DAPK2: variants seen among roughly 807,000 people sequenced by gnomAD.
The protein encoded by DAPK2 is death-associated protein kinase 2.
In DAPK2, 35 loss-of-function variants were observed where a neutral mutation model predicts 44.1. That is an observed-to-expected ratio of 0.79 (90% confidence interval 0.61 to 1.05). The LOEUF is 1.05. Ranked by LOEUF, DAPK2 falls within the 50% of genes least tolerant of loss-of-function variation. The pLI is 0.00. For missense variants in DAPK2, 453 were observed against 483.2 expected (o/e 0.94, Z 0.59); for synonymous variants, 174 against 182.6 (o/e 0.95, Z 0.38).
At chr15:63,976,825 A>C (rs2078362934) in intron 2 of DAPK2, among the ~76,000 whole-genome samples, 1 of 152,240 alleles carries the variant, frequency 6.6e-6, no homozygotes, top group South Asian at 2.1e-4. Flanking sequence ...TTAAATAAAA[A>C]TATTATTAAA....
At chr15:63,938,107 C>T (rs531666839) in intron 4 of DAPK2, among the ~76,000 whole-genome samples, 1 of 152,334 alleles carries the variant, frequency 6.6e-6, no homozygotes, top group African/African-American at 2.4e-5. Context: ...ATCCTTCTGG[C>T]ACTCTTTTTT....
rs148955114 is a variant in DAPK2, at chr15:63,944,146, G to T, written c.454-4785C>A. The stretch of plus-strand genomic sequence containing the variant: ...CCTGGCAGGGCGAACACCCAAGCTG[G>T]GTCTGGATAAAAGGATGAAGCCTGG... On this transcript the variant is annotated intron_variant, in intron 3 of 10. Transcript: ENST00000261891. Among the ~76,000 whole-genome samples the T allele has an allele frequency of 3.4e-3, 524 of 152,242 alleles. 4 individuals are homozygous for T. Among genetic ancestry groups the T allele is most frequent in the African/African-American group, 0.012 (507 of 41,538 alleles).
intron 2 of DAPK2, among the ~76,000 whole-genome samples, chr15:63,977,377 C>G (rs547691189): frequency 1.8e-3 from 269 of 152,210 alleles, no homozygotes; most frequent in African/African-American, 5.9e-3. Flanking sequence ...CTGGAGTAAC[C>G]CTGGGTCTGC....
In DAPK2 at chr15:63,908,484, C is replaced by T. The variant is rs187344054; in HGVS notation, c.*36G>A. The T allele has an allele frequency of 8.3e-5, 123 of 1,485,272 alleles. No homozygotes were observed. The African/African-American group carries it at 1.4e-3, about 17-fold the overall frequency. The allele number at this position is 1,485,272 out of a possible 1,614,324, so 92.0% of individuals were successfully genotyped here. Reference sequence around the variant, plus strand: ...TGCACAGAAGGGAGCCCCGCTGGGCCCAGACCTCCCTGGCGGCCACTGCAG... The same window carrying T: ...TGCACAGAAGGGAGCCCCGCTGGGCTCAGACCTCCCTGGCGGCCACTGCAG... On this transcript the variant is annotated 3_prime_UTR_variant, in exon 11 of 11. Transcript: ENST00000261891. This position sits in a 1 kb window ranked among gnomAD's most constrained non-coding sequence, Gnocchi z 5.7.
At chr15:63,924,755 GCCAA>G in intron 8 of DAPK2, 57 bp downstream of exon 9, 1 of 1,593,910 alleles carries the variant, frequency 6.3e-7, no homozygotes, top group Non-Finnish European at 8.6e-7. Flanking sequence ...GGCTGCCCAG[GCCAA>G]CCCTGGCGAC....
chr15:63,911,820 G>A (rs2078800084), intron 10 of DAPK2, 88 bp downstream of exon 11: 1 of 1,331,946 alleles, frequency 7.5e-7, no homozygotes, highest in East Asian at 2.5e-5. Flanking sequence ...ACACCCACCT[G>A]CCTTGTGAGG....
intron 1 of DAPK2, among the ~76,000 whole-genome samples, chr15:63,984,750 C>A (rs180926664): frequency 2.0e-5 from 3 of 152,278 alleles, no homozygotes; most frequent in Admixed American, 6.5e-5. Context: ...CAATAAGGGG[C>A]CAGCAGACTC....
intron 1 of DAPK2, among the ~76,000 whole-genome samples, chr15:64,023,339 A>C (rs1236839114): frequency 2.0e-5 from 3 of 152,208 alleles, no homozygotes; most frequent in Non-Finnish European, 4.4e-5. Context: ...TGGCCACTGA[A>C]AGGATACACC....
At chr15:64,029,788 C>T (rs2079959285) in intron 1 of DAPK2, 2 of 152,436 alleles carry the variant, frequency 1.3e-5, no homozygotes, top group South Asian at 4.1e-4. Flanking sequence ...CACCCACTTA[C>T]CTTTTAGAAA....
Sources: gnomAD v4.1 joint callset for allele counts (sites outside exome capture counted in the v4.1 genomes callset) on GRCh38, gnomAD v4.1.1 for gene constraint, Gnocchi (gnomAD v3.1) non-coding constraint, MANE v1.5 for transcripts, NCBI Gene and HGNC (gene_info 2026-07-23, HGNC 2026-07-21) for gene names.